Variants in SZT2 observed in about 807,000 individuals in gnomAD.
The protein encoded by SZT2 is SZT2 subunit of KICSTOR complex.
SZT2 carries 216 observed loss-of-function variants against 404.2 expected under a neutral mutation model. The ratio of observed to expected loss-of-function variants is 0.53; its 90% CI spans 0.48 to 0.60. The LOEUF is 0.60. Among genes scored for constraint, SZT2 ranks in the 20% least tolerant of loss-of-function variants. The probability of loss-of-function intolerance (pLI) is 0.00; values close to 1 mark genes in which losing one functional copy is unlikely to be tolerated. For synonymous variants in SZT2, 1,693 were observed against 1,749.9 expected (o/e 0.97, Z 0.81); for missense variants, 3,857 against 4,459.2 (o/e 0.86, Z 3.85).
chr1:43,404,616 C>T (rs1000399958), intron 4 of SZT2, 66 bp downstream of exon 4: 10 of 1,515,674 alleles, frequency 6.6e-6, no homozygotes, highest in Middle Eastern at 3.5e-4. Flanking sequence ...TGACCAAGTC[C>T]TTATCCTGTC....
At chr1:43,446,061 T>G (rs1489476901) in intron 63 of SZT2, 77 bp downstream of exon 63, 4 of 1,583,306 alleles carry the variant, frequency 2.5e-6, no homozygotes, top group South Asian at 1.1e-5. Flanking sequence ...CCCTGAGTGA[T>G]GTACCGAGGT....
Position 43,426,715 on chromosome 1 carries a change from G to C in SZT2, c.3215G>C (p.Gly1072Ala). The C allele has an allele frequency of 2.5e-6, 4 of 1,607,484 alleles. No individual in the cohort carries two copies. The highest frequency in any genetic ancestry group is 8.5e-7 in the Non-Finnish European group (1 of 1,176,982). Residue 1072 changes from glycine to alanine, a missense_variant and splice_region_variant, in exon 23 of 72, where the codon GGT (glycine) becomes GCT (alanine). Coordinates refer to ENST00000634258, the MANE Select transcript of SZT2 (RefSeq NM_001365999.1). This position sits in a 1 kb window ranked among gnomAD's most constrained non-coding sequence, Gnocchi z 4.9. ...EVLRRTCHVP[G>A]AEGPLLGVHG... ...TCACCCATCTCTACCCCCATTGTAGGTGCCGAGGGGCCACTGCTGGGGGTT... is the reference window on the plus strand; with the variant it reads ...TCACCCATCTCTACCCCCATTGTAGCTGCCGAGGGGCCACTGCTGGGGGTT...
rs1260756444 is a variant in SZT2 at position 43,452,640 on chromosome 1, C to T, written c.*2160C>T. Reference sequence around the variant, plus strand: ...AAAAATTGTCCTGACCTTTGCTTGCCCTTCTCAGGTATTCCATGCTGCTGT... The same window carrying T: ...AAAAATTGTCCTGACCTTTGCTTGCTCTTCTCAGGTATTCCATGCTGCTGT... On this transcript the variant is annotated 3_prime_UTR_variant, in exon 72 of 72. Transcript: ENST00000634258. The T allele has an allele frequency of 2.2e-5, 13 of 597,272 alleles. 1 individual carries two copies. The highest frequency in any genetic ancestry group is 3.9e-5 in the Non-Finnish European group (13 of 335,096). 37.0% of individuals were successfully genotyped at this position (597,272 alleles called of 1,614,324 possible).
chr1:43,424,341 T>C lies in SZT2; in HGVS notation c.2380T>C (p.Tyr794His). ...SSLASLSRYL[Y>H]HQRWLWSVPS... Reference sequence around the variant, plus strand: ...CCTGGCGTCACTGTCCCGCTACCTCTACCATCAGCGCTGGCTTTGGAGTGT... The same window carrying C: ...CCTGGCGTCACTGTCCCGCTACCTCCACCATCAGCGCTGGCTTTGGAGTGT... The change falls in exon 16 of 72, where the codon TAC becomes CAC. Residue 794 changes from tyrosine to histidine, a missense_variant. Physicochemically the swap from Tyr to His is moderately conservative, Grantham distance 83. Coordinates refer to ENST00000634258, the MANE Select transcript of SZT2 (RefSeq NM_001365999.1). The surrounding 1 kb of genome is among the most constrained non-coding windows in gnomAD (Gnocchi z 4.1). The C allele has an allele frequency of 6.3e-7, 1 of 1,598,112 alleles. No homozygotes were observed. Among genetic ancestry groups the C allele is most frequent in the Non-Finnish European group, 8.5e-7 (1 of 1,179,602 alleles).
chr1:43,447,664 CACA>C lies in SZT2; in HGVS notation c.9409_9411del (p.Asn3137del), dbSNP rs1655841167. ...AATGGCCCGGCCAGGGGGCCCAGAA[CACA>C]ACGAGTATGCCCTGGTGTCGGCATG... On this transcript the variant is annotated inframe_deletion, in exon 67 of 72. Coordinates refer to ENST00000634258, the MANE Select transcript of SZT2 (RefSeq NM_001365999.1). 19 of 1,614,068 alleles carry C rather than the reference CACA, an allele frequency of 1.2e-5. No individual in the cohort carries two copies. The highest frequency in any genetic ancestry group is 1.7e-5 in the Admixed American group (1 of 60,010).
rs199891067 is a variant in SZT2 at position 43,432,455 on chromosome 1, G to T, written c.5442+16G>T. The T allele has an allele frequency of 7.7e-6, 12 of 1,558,932 alleles. No individual in the cohort carries two copies. In the African/African-American group the frequency reaches 1.4e-4, roughly 18 times the overall value. ...CGAAGGGGAGGTGAGTCTCACCTGG[G>T]AATGGAGGGGGGTGGTGGGTGTGTG... On this transcript the variant is annotated intron_variant, in intron 37 of 71. Transcript: ENST00000634258.
Position 43,451,962 on chromosome 1 carries a change from G to A in SZT2, c.*1482G>A. 2 of 1,612,192 alleles carry A rather than the reference G, an allele frequency of 1.2e-6. No homozygotes were observed. Among genetic ancestry groups the A allele is most frequent in the Non-Finnish European group, 1.7e-6 (2 of 1,178,652 alleles). ...TGCTGGGGCGTGTCCAGGAAGTACT[G>A]GGGGTCAGTGATGCGGGTGTTGATG... On this transcript the variant is annotated 3_prime_UTR_variant, in exon 72 of 72. Coordinates refer to ENST00000634258, the MANE Select transcript of SZT2 (RefSeq NM_001365999.1).
chr1:43,443,102 C>A lies in SZT2; in HGVS notation c.8419+16C>A, dbSNP rs1655253359. 1.2e-6 allele frequency: 2 copies of A among 1,611,414 alleles called. No homozygotes were observed. The highest frequency in any genetic ancestry group is 2.7e-5 in the African/African-American group (2 of 75,006). ...GAGCGCAGAGGTGAGGGTACTGGGC[C>A]AGGCAGCAGGGACAGGAAATCTGTG... is the stretch of plus-strand genomic sequence containing the variant. On this transcript the variant is annotated intron_variant, in intron 59 of 71. Transcript: ENST00000634258.
In SZT2 at chr1:43,440,454, A is replaced by G; in HGVS notation, c.7212A>G (p.Gly2404=). Residue 2404 remains glycine (G), a splice_region_variant and synonymous_variant, in exon 52 of 72, where the codon GGA becomes GGG. Transcript: ENST00000634258. ...GTCTGTAATGTCTGATGTCCACAGG[A>G]AGTCTCAGGAACGGATCGTTGGAAA... The part of the protein sequence containing the change: ...ASLCTEDTPT[G]SLRNGSLETK... The G allele has an allele frequency of 6.3e-7, 1 of 1,587,384 alleles. No individual in the cohort carries two copies. Among genetic ancestry groups the G allele is most frequent in the Non-Finnish European group, 8.6e-7 (1 of 1,168,102 alleles).
At position 43,423,156 on chromosome 1, in the gene SZT2, A is replaced by T. The variant is rs561464206; in HGVS notation, c.2095A>T (p.Ser699Cys). 12 of 1,597,280 alleles carry T rather than the reference A, an allele frequency of 7.5e-6. No homozygotes were observed. In the African/African-American group the frequency reaches 1.3e-4, roughly 18 times the overall value. The change falls in exon 15 of 72, where the codon AGC becomes TGC. Residue 699 changes from serine to cysteine, a missense_variant. Ser to Cys is a moderately radical substitution (Grantham distance 112). Around this residue, in one of 7 missense-constraint regions of SZT2, gnomAD observed 1,725 missense variants for 1,881.0 expected, o/e 0.92. Coordinates refer to ENST00000634258, the MANE Select transcript of SZT2 (RefSeq NM_001365999.1). ...LRLRFPHRVQ[S>C]KEPTPKVKRK... is the part of the protein sequence containing the mutation. ...GCTGCGTTTCCCCCACCGGGTACAAAGCAAGGAGCCAACGCCCAAGGTGAA... is the reference window on the plus strand; with the variant it reads ...GCTGCGTTTCCCCCACCGGGTACAATGCAAGGAGCCAACGCCCAAGGTGAA...
In SZT2 at chr1:43,431,766, C is replaced by T. The variant is rs548889342; in HGVS notation, c.5139C>T (p.Gly1713=). The change falls in exon 36 of 72, where the codon GGC becomes GGT. Residue 1713 remains glycine (G), a synonymous_variant. Transcript: ENST00000634258. ...DEMVGALRRG[G]IPQSPALHRA... ...TGGTGGGGGCACTCCGAAGAGGGGGCATCCCACAGAGTCCTGCCCTGCACC... is the reference window on the plus strand; with the variant it reads ...TGGTGGGGGCACTCCGAAGAGGGGGTATCCCACAGAGTCCTGCCCTGCACC... 2 of 1,614,234 alleles carry T rather than the reference C, an allele frequency of 1.2e-6. No individual in the cohort carries two copies. Among genetic ancestry groups the T allele is most frequent in the African/African-American group, 1.3e-5 (1 of 75,066 alleles).
intron 4 of SZT2, chr1:43,409,524 T>C (rs1449391415): frequency 5.1e-6 from 2 of 390,360 alleles, no homozygotes; most frequent in Admixed American, 3.2e-5. Flanking sequence ...AAAAACCTAA[T>C]GGCTCCACCA....
chr1:43,407,758 A>C (rs554469838), intron 4 of SZT2, among the ~76,000 whole-genome samples: 1 of 152,150 alleles, frequency 6.6e-6, no homozygotes, highest in South Asian at 2.1e-4. Context: ...TCTATAATAC[A>C]ATACCCAGAA....
At chr1:43,421,329 C>T (rs1397748539) in intron 11 of SZT2, 26 bp downstream of exon 11, 2 of 1,595,668 alleles carry the variant, frequency 1.3e-6, no homozygotes, top group African/African-American at 2.7e-5. Context: ...GTATAGTAGC[C>T]CCATTTCATG....
intron 52 of SZT2, 140 bp downstream of exon 52, chr1:43,440,726 C>G: frequency 8.4e-7 from 1 of 1,189,898 alleles, no homozygotes; most frequent in South Asian, 2.0e-5. Context: ...CTGCCAGACA[C>G]CATGGCGTGT....
chr1:43,432,206 G>T (rs1653977516), intron 36 of SZT2, 66 bp from the exon 37 acceptor site: 1 of 1,474,230 alleles, frequency 6.8e-7, no homozygotes, highest in Non-Finnish European at 9.1e-7. Flanking sequence ...TCATGAGGAA[G>T]TGTAGCTCAC....
chr1:43,419,576 GAC>G (rs997059446), intron 7 of SZT2, among the ~76,000 whole-genome samples, 156 bp from the exon 8 acceptor site: 1 of 152,180 alleles, frequency 6.6e-6, no homozygotes, highest in Non-Finnish European at 1.5e-5. Flanking sequence ...AGGAAGGAAA[GAC>G]ACAGACAGTG....
chr1:43,417,483 C>G (rs1032202445), intron 7 of SZT2, among the ~76,000 whole-genome samples: 1 of 152,096 alleles, frequency 6.6e-6, no homozygotes. Context: ...ATGTTGTGTT[C>G]GAGGTGCCTG....
In SZT2 at chr1:43,453,701, G is replaced by T. The variant is rs748650584; in HGVS notation, c.*3221G>T. Reference sequence around the variant, plus strand: ...GCCAGGCCACCTCGACGGCCTCGAAGCCCGAGCTGCCCGCGGCCCGCACCC... The same window carrying T: ...GCCAGGCCACCTCGACGGCCTCGAATCCCGAGCTGCCCGCGGCCCGCACCC... On this transcript the variant is annotated 3_prime_UTR_variant, in exon 72 of 72. Transcript: ENST00000634258. 2.1e-6 allele frequency: 3 copies of T among 1,421,604 alleles called. No individual in the cohort carries two copies. In the South Asian group the frequency reaches 4.4e-5, roughly 21 times the overall value. The allele number at this position is 1,421,604 out of a possible 1,614,324, so 88.1% of individuals were successfully genotyped here.
Sources: allele counts gnomAD v4.1 joint callset (sites outside exome capture counted in the v4.1 genomes callset), GRCh38; gene constraint gnomAD v4.1.1; regional missense constraint gnomAD v4.1.1; non-coding constraint Gnocchi (gnomAD v3.1); transcripts MANE v1.5; gene names NCBI Gene and HGNC (gene_info 2026-07-23, HGNC 2026-07-21).